Variants in RPS6KA1 observed in about 807,000 individuals in gnomAD.
The protein encoded by RPS6KA1 is ribosomal protein S6 kinase alpha-1.
A neutral mutation model predicts 91.3 loss-of-function variants in RPS6KA1; 48 were observed. That is an observed-to-expected ratio of 0.53 (90% CI 0.42 to 0.67). The LOEUF (loss-of-function observed/expected upper bound fraction) is 0.67. RPS6KA1 is among the 30% of genes least tolerant of loss of function. RPS6KA1 has a pLI of 0.00. For synonymous variants in RPS6KA1, 359 were observed against 384.7 expected, an observed-to-expected ratio of 0.93 and a Z score of 0.78; for missense variants, 719 against 960.5, an observed-to-expected ratio of 0.75 and a Z score of 3.32.
chr1:26,553,552 A>G (rs1196475804), intron 7 of RPS6KA1, 55 bp downstream of exon 7: 8 of 1,169,860 alleles, frequency 6.8e-6, no homozygotes, highest in African/African-American at 1.5e-5. Flanking sequence ...CTCTTCTAGG[A>G]CAGGGCCATC....
rs894307957 is a variant in RPS6KA1, at chr1:26,551,449, T to G, written c.360T>G (p.Asn120Lys). The change falls in exon 5 of 22, where the codon AAT (asparagine) becomes AAG (lysine). Residue 120 changes from asparagine (N) to lysine (K), a missense_variant. Physicochemically the swap from Asn to Lys is moderately conservative, Grantham distance 94. This residue lies in a region of RPS6KA1 where 159 missense variants were observed against 264.5 expected (regional missense o/e 0.60). Coordinates refer to ENST00000374168, the MANE Select transcript of RPS6KA1 (RefSeq NM_002953.4). The surrounding 1 kb of genome is among the most constrained non-coding windows in gnomAD (Gnocchi z 4.5). ...KMERDILADV[N>K]HPFVVKLHYA... ...AGAGAGACATCCTGGCTGATGTAAA[T>G]CACCCATTCGTGGTGAAGCTGCACT... The G allele has an allele frequency of 1.9e-6, 3 of 1,614,100 alleles. No homozygotes were observed. Among genetic ancestry groups the G allele is most frequent in the East Asian group, 4.5e-5 (2 of 44,858 alleles).
intron 15 of RPS6KA1, 59 bp from the exon 16 acceptor site, chr1:26,560,986 C>A: frequency 6.3e-7 from 1 of 1,596,260 alleles, no homozygotes; most frequent in Non-Finnish European, 8.6e-7. Context: ...TGCTCCATGG[C>A]CAGAAAGGAC....
chr1:26,544,141 C>G, intron 2 of RPS6KA1: 1 of 456,360 alleles, frequency 2.2e-6, no homozygotes, highest in South Asian at 1.5e-5. Flanking sequence ...CTGCTGCCTG[C>G]CCGTGTGTCT....
chr1:26,558,194 GC>G lies in RPS6KA1; in HGVS notation c.1085-612del, dbSNP rs2076122771. On this transcript the variant is annotated intron_variant, in intron 13 of 21. Transcript: ENST00000374168. The surrounding 1 kb of genome is among the most constrained non-coding windows in gnomAD (Gnocchi z 4.0). ...GTAGGAGTCAGGGGCCGGAGGAGCA[GC>G]ATCAGGCAAGGCTTCTCAGAGGAGG... is the stretch of plus-strand genomic sequence containing the variant. Among the ~76,000 whole-genome samples, 1 of 152,180 alleles carries G rather than the reference GC, an allele frequency of 6.6e-6. No homozygotes were observed. The highest frequency in any genetic ancestry group is 1.5e-5 in the Non-Finnish European group (1 of 68,036).
intron 17 of RPS6KA1, among the ~76,000 whole-genome samples, chr1:26,569,723 A>G (rs977815284): frequency 1.1e-4 from 16 of 152,350 alleles, no homozygotes; most frequent in African/African-American, 3.4e-4. Context: ...TTGTTCATTC[A>G]TTGCACAAAG....
At chr1:26,535,302 G>A (rs1210872784) in intron 1 of RPS6KA1, among the ~76,000 whole-genome samples, 2 of 151,750 alleles carry the variant, frequency 1.3e-5, no homozygotes, top group African/African-American at 4.8e-5. Flanking sequence ...AGTGGCAATG[G>A]GGAGCTGTTC....
rs2076277139 is a variant in RPS6KA1, at chr1:26,574,252, A to G, written c.*51A>G. The G allele has an allele frequency of 6.2e-7, 1 of 1,610,882 alleles. No homozygotes were observed. The highest frequency in any genetic ancestry group is 8.5e-7 in the Non-Finnish European group (1 of 1,177,340). ...GCGGTGCTAGCTTGACACAGTCAGC[A>G]TGCTTCCCAGAGGGAGCAGGCCGGA... On this transcript the variant is annotated 3_prime_UTR_variant, in exon 22 of 22. Transcript: ENST00000374168. This position sits in a 1 kb window ranked among gnomAD's most constrained non-coding sequence, Gnocchi z 4.3.
chr1:26,556,913 C>T, intron 12 of RPS6KA1, 85 bp from the exon 13 acceptor site: 1 of 1,248,158 alleles, frequency 8.0e-7, no homozygotes, highest in Non-Finnish European at 1.2e-6. Flanking sequence ...GCCTATGTTC[C>T]AAGCCCAGCA....
At chr1:26,548,431 CA>C (rs2076016549) in intron 4 of RPS6KA1, among the ~76,000 whole-genome samples, 2 of 152,008 alleles carry the variant, frequency 1.3e-5, no homozygotes, top group South Asian at 4.1e-4. Flanking sequence ...TTCTCTAGAC[CA>C]AAAATGTTTG....
intron 1 of RPS6KA1, among the ~76,000 whole-genome samples, chr1:26,536,578 C>G (rs887480202): frequency 6.6e-6 from 1 of 152,216 alleles, no homozygotes; most frequent in African/African-American, 2.4e-5. Context: ...AGGTTTGTAT[C>G]TGGTAGAGCT....
In RPS6KA1 at chr1:26,547,045, G is replaced by T. The variant is rs1291999615; in HGVS notation, c.225+62G>T. On this transcript the variant is annotated intron_variant, in intron 3 of 21. Coordinates refer to ENST00000374168, the MANE Select transcript of RPS6KA1 (RefSeq NM_002953.4). This position sits in a 1 kb window ranked among gnomAD's most constrained non-coding sequence, Gnocchi z 4.1. ...GTCATGTTAGAGGTGGGGGTCAAGGGTCACCTAGGGGCCCAAAGGATCAGA... is the reference window on the plus strand; with the variant it reads ...GTCATGTTAGAGGTGGGGGTCAAGGTTCACCTAGGGGCCCAAAGGATCAGA... The T allele has an allele frequency of 7.8e-6, 12 of 1,532,640 alleles. No individual in the cohort carries two copies. The South Asian group carries it at 1.2e-4, about 16-fold the overall frequency. 94.9% of individuals were successfully genotyped at this position (1,532,640 alleles called of 1,614,324 possible). A position where few individuals can be genotyped will look rare whatever the true frequency, so the allele number is the denominator to read the frequency against.
rs1261338420 is a variant in RPS6KA1, at chr1:26,560,863, G to C, written c.1341+12G>C. ...AGTATGCTGTCAAGGTGGGCCTCCTGACCACGTCTCGGCCAAGGCTGCTGG... is the reference window on the plus strand; with the variant it reads ...AGTATGCTGTCAAGGTGGGCCTCCTCACCACGTCTCGGCCAAGGCTGCTGG... On this transcript the variant is annotated intron_variant, in intron 15 of 21. Coordinates refer to ENST00000374168, the MANE Select transcript of RPS6KA1 (RefSeq NM_002953.4). 6.2e-7 allele frequency: 1 copy of C among 1,614,100 alleles called. No homozygotes were observed. Among genetic ancestry groups the C allele is most frequent in the Non-Finnish European group, 8.5e-7 (1 of 1,180,022 alleles).
chr1:26,536,540 G>A (rs1003019577), intron 1 of RPS6KA1, among the ~76,000 whole-genome samples: 1 of 152,212 alleles, frequency 6.6e-6, no homozygotes, highest in Non-Finnish European at 1.5e-5. Context: ...GGGAAACTGA[G>A]TCCTCTCACA....
Position 26,555,992 on chromosome 1 carries a change from C to T in RPS6KA1, c.916+367C>T. On this transcript the variant is annotated intron_variant, in intron 11 of 21. Transcript: ENST00000374168. The surrounding 1 kb of genome is among the most constrained non-coding windows in gnomAD (Gnocchi z 4.3). ...CCCCACTGCCTGGCACAAAACAGTC[C>T]CTCTATAAATATTTGTTAAACGAAT... The T allele has an allele frequency of 6.2e-6, 2 of 323,036 alleles. No individual in the cohort carries two copies. Among genetic ancestry groups the T allele is most frequent in the Non-Finnish European group, 1.2e-5 (2 of 170,020 alleles). 20.0% of individuals were successfully genotyped at this position (323,036 alleles called of 1,614,324 possible).
Position 26,561,807 on chromosome 1 carries a change from C to G in RPS6KA1, c.1590+144C>G, listed in dbSNP as rs992138138. The G allele has an allele frequency of 1.0e-5, 8 of 765,092 alleles. No homozygotes were observed. Among genetic ancestry groups the G allele is most frequent in the Admixed American group, 8.8e-5 (3 of 34,092 alleles). The allele number at this position is 765,092 out of a possible 1,614,324, so 47.4% of individuals were successfully genotyped here. On this transcript the variant is annotated intron_variant, in intron 17 of 21. Coordinates refer to ENST00000374168, the MANE Select transcript of RPS6KA1 (RefSeq NM_002953.4). This position sits in a 1 kb window ranked among gnomAD's most constrained non-coding sequence, Gnocchi z 5.7. Reference sequence around the variant, plus strand: ...CTAGGGCTGGGTGGGTGGATGCGTGCAAAGGAAGGAGGGAGAGATGTGGCC... The same window carrying G: ...CTAGGGCTGGGTGGGTGGATGCGTGGAAAGGAAGGAGGGAGAGATGTGGCC...
Position 26,561,552 on chromosome 1 carries a change from G to T in RPS6KA1, c.1479G>T (p.Arg493=). ...KHVYLVTELM[R]GGELLDKILR... is the part of the protein sequence containing the mutation. ...TGTACCTGGTGACAGAGCTGATGCGGGGTGGGGAGCTGCTGGACAAGATCC... is the reference window on the plus strand; with the variant it reads ...TGTACCTGGTGACAGAGCTGATGCGTGGTGGGGAGCTGCTGGACAAGATCC... The change falls in exon 17 of 22, where the codon CGG becomes CGT. Residue 493 remains arginine, a synonymous_variant. Coordinates refer to ENST00000374168, the MANE Select transcript of RPS6KA1 (RefSeq NM_002953.4). This position sits in a 1 kb window ranked among gnomAD's most constrained non-coding sequence, Gnocchi z 5.7. The T allele has an allele frequency of 6.2e-7, 1 of 1,614,184 alleles. No individual in the cohort carries two copies. Among genetic ancestry groups the T allele is most frequent in the Non-Finnish European group, 8.5e-7 (1 of 1,180,016 alleles).
chr1:26,547,349 G>A lies in RPS6KA1; in HGVS notation c.307+79G>A. 1.7e-6 allele frequency: 2 copies of A among 1,177,328 alleles called. No homozygotes were observed. Among genetic ancestry groups the A allele is most frequent in the Non-Finnish European group, 2.5e-6 (2 of 804,912 alleles). The allele number at this position is 1,177,328 out of a possible 1,614,324, so 72.9% of individuals were successfully genotyped here. On this transcript the variant is annotated intron_variant, in intron 4 of 21. Coordinates refer to ENST00000374168, the MANE Select transcript of RPS6KA1 (RefSeq NM_002953.4). The surrounding 1 kb of genome is among the most constrained non-coding windows in gnomAD (Gnocchi z 4.1). ...CCAGACTTCAAGGGCCTTGGGTCTGGCAAGGGAGACAGCTCTGTCTTCAGG... is the reference window on the plus strand; with the variant it reads ...CCAGACTTCAAGGGCCTTGGGTCTGACAAGGGAGACAGCTCTGTCTTCAGG...
rs1306686908 is a variant in RPS6KA1, at chr1:26,558,189, G to A, written c.1085-618G>A. On this transcript the variant is annotated intron_variant, in intron 13 of 21. Coordinates refer to ENST00000374168, the MANE Select transcript of RPS6KA1 (RefSeq NM_002953.4). This position sits in a 1 kb window ranked among gnomAD's most constrained non-coding sequence, Gnocchi z 4.0. ...GCTTCGTAGGAGTCAGGGGCCGGAG[G>A]AGCAGCATCAGGCAAGGCTTCTCAG... Among the ~76,000 whole-genome samples, 2 of 152,168 alleles carry A rather than the reference G, an allele frequency of 1.3e-5. No homozygotes were observed. Among genetic ancestry groups the A allele is most frequent in the African/African-American group, 4.8e-5 (2 of 41,436 alleles).
intron 12 of RPS6KA1, 21 bp downstream of exon 12, chr1:26,556,739 C>T (rs776030975): frequency 3.7e-6 from 6 of 1,612,230 alleles, no homozygotes; most frequent in Non-Finnish European, 5.1e-6. Context: ...CCACCCACAC[C>T]AGGGCTCTGG....
Sources: gnomAD v4.1 joint callset for allele counts (sites outside exome capture counted in the v4.1 genomes callset) on GRCh38, gnomAD v4.1.1 for gene constraint, gnomAD v4.1.1 regional missense constraint, Gnocchi (gnomAD v3.1) non-coding constraint, MANE v1.5 for transcripts, NCBI Gene and HGNC (gene_info 2026-07-23, HGNC 2026-07-21) for gene names.